Variants in AK2 observed in about 807,000 individuals in gnomAD.
The protein encoded by AK2 is adenylate kinase 2, mitochondrial.
Under a neutral mutation model 24.6 loss-of-function variants are expected in AK2, and 15 were observed. That is an observed-to-expected ratio of 0.61 (90% CI 0.41 to 0.94). AK2 has a LOEUF of 0.94. Among genes scored for constraint, AK2 ranks in the 40% least tolerant of loss-of-function variants. The probability of loss-of-function intolerance (pLI) is 0.00; values close to 1 mark genes in which losing one functional copy is unlikely to be tolerated. For synonymous variants in AK2, 102 were observed against 114.0 expected (o/e 0.90, Z 0.67); for missense variants, 257 against 304.1 (o/e 0.85, Z 1.15).
chr1:33,020,390 T>C (rs1639463231), intron 4 of AK2, among the ~76,000 whole-genome samples: 2 of 152,226 alleles, frequency 1.3e-5, no homozygotes, highest in Non-Finnish European at 2.9e-5. Context: ...GTAAAGACAT[T>C]AACATTTCTT....
At chr1:33,007,954 G>A, downstream of AK2, 1 of 449,988 alleles carries the variant, frequency 2.2e-6, no homozygotes, top group Non-Finnish European at 4.5e-6. Context: ...GGTTATCGAG[G>A]AGAATAAATG....
rs575182776 is a variant in AK2 at position 33,008,869 on chromosome 1, C to G, written c.*4312G>C. 1 of 454,126 alleles carries G rather than the reference C, an allele frequency of 2.2e-6. No homozygotes were observed. The highest frequency in any genetic ancestry group is 1.6e-5 in the South Asian group (1 of 64,478). The allele number at this position is 454,126 out of a possible 1,614,324, so 28.1% of individuals were successfully genotyped here. On this transcript the variant is annotated 3_prime_UTR_variant, in exon 6 of 6. Transcript: ENST00000672715. ...GGAAACCCAGGCCCAAAGAAGCAAA[C>G]AAACAATAGCTCACCCAGTCTTCTC...
intron 2 of AK2, 114 bp from the exon 3 acceptor site, chr1:33,021,817 GT>G: frequency 1.3e-6 from 1 of 791,424 alleles, no homozygotes; most frequent in Middle Eastern, 2.2e-4. Context: ...TAAACAGCAA[GT>G]TTTCTTGGAC....
At chr1:33,036,607 C>G in intron 1 of AK2, 129 bp downstream of exon 1, 1 of 870,254 alleles carries the variant, frequency 1.1e-6, no homozygotes, top group Non-Finnish European at 1.9e-6. Context: ...GAACCGAGAC[C>G]CCGGCCAGCG....
intron 1 of AK2, among the ~76,000 whole-genome samples, chr1:33,036,084 C>A (rs1046529469): frequency 2.6e-5 from 4 of 152,160 alleles, no homozygotes; most frequent in African/African-American, 9.7e-5. Context: ...CATGAGCACT[C>A]CCAACCCTTA....
At chr1:33,017,543 C>T (rs1639268166) in intron 4 of AK2, among the ~76,000 whole-genome samples, 1 of 152,206 alleles carries the variant, frequency 6.6e-6, no homozygotes, top group African/African-American at 2.4e-5. Context: ...ATGACTCCCA[C>T]ACACTGCTCT....
At chr1:33,013,903 GC>G (rs1245775935) in intron 5 of AK2, among the ~76,000 whole-genome samples, 1 of 152,188 alleles carries the variant, frequency 6.6e-6, no homozygotes, top group Non-Finnish European at 1.5e-5. Flanking sequence ...TAGCAACTTT[GC>G]AAAATGTGAC....
Position 33,034,449 on chromosome 1 carries a change from T to TACACACACACACAC in AK2, c.93+2273_93+2286dup, listed in dbSNP as rs71833811. Among the ~76,000 whole-genome samples the TACACACACACACAC allele has an allele frequency of 2.0e-3, 277 of 141,974 alleles. 1 individual carries two copies. Among genetic ancestry groups the TACACACACACACAC allele is most frequent in the African/African-American group, 6.2e-3 (239 of 38,276 alleles). 93.1% of individuals were successfully genotyped at this position (141,974 alleles called of 152,430 possible). On this transcript the variant is annotated intron_variant, in intron 1 of 5. Transcript: ENST00000672715. ...TGTCATCTAGGTTGTGGGTGCTTGA[T>TACACACACACACAC]ACACACACACACACACACACACACA...
chr1:33,026,908 C>T (rs111376301), intron 1 of AK2, among the ~76,000 whole-genome samples: 20,974 of 151,022 alleles, frequency 0.14, 1,564 homozygotes, highest in Middle Eastern at 0.23. Flanking sequence ...GGTGGATCAC[C>T]GGAAGTCAGG....
chr1:33,020,209 A>G, intron 4 of AK2: 1 of 1,297,212 alleles, frequency 7.7e-7, no homozygotes, highest in Non-Finnish European at 1.1e-6. Flanking sequence ...ACACACACAC[A>G]CACACACACA....
chr1:33,032,939 G>A (rs542490895), intron 1 of AK2, among the ~76,000 whole-genome samples: 4 of 152,086 alleles, frequency 2.6e-5, no homozygotes, highest in Non-Finnish European at 4.4e-5. Flanking sequence ...CAAGGTGGGC[G>A]GATCATGAGG....
intron 3 of AK2, 37 bp from the exon 4 acceptor site, chr1:33,021,498 G>A (rs752622929): frequency 1.8e-5 from 29 of 1,608,570 alleles, no homozygotes; most frequent in Non-Finnish European, 1.9e-5. Flanking sequence ...AGCTACCAGA[G>A]CTTGGTTAGA....
intron 1 of AK2, among the ~76,000 whole-genome samples, chr1:33,027,602 G>A (rs1639975951): frequency 6.6e-6 from 1 of 151,972 alleles, no homozygotes; most frequent in Admixed American, 6.6e-5. Flanking sequence ...ACAAAAATTA[G>A]CCAGGCGTGG....
chr1:33,014,231 G>C, intron 5 of AK2: 1 of 365,216 alleles, frequency 2.7e-6, no homozygotes, highest in Middle Eastern at 9.7e-4. Flanking sequence ...TCACTTAGGT[G>C]GCCATGATGC....
intron 2 of AK2, among the ~76,000 whole-genome samples, chr1:33,023,409 C>A (rs1328072475): frequency 1.3e-5 from 2 of 149,118 alleles, no homozygotes; most frequent in Non-Finnish European, 2.9e-5. Flanking sequence ...TCTACAACAA[C>A]AACAACAACA....
At chr1:33,027,275 A>C (rs1185851636) in intron 1 of AK2, among the ~76,000 whole-genome samples, 1 of 152,192 alleles carries the variant, frequency 6.6e-6, no homozygotes, top group African/African-American at 2.4e-5. Flanking sequence ...TGGGTAAACA[A>C]TTTGGAGGTC....
chr1:33,010,949 T>C lies in AK2; in HGVS notation c.*2232A>G. On this transcript the variant is annotated 3_prime_UTR_variant, in exon 6 of 6. Coordinates refer to ENST00000672715, the MANE Select transcript of AK2 (RefSeq NM_001625.4). ...AAATGCATTAAACACTGGACATTTCTGTGACAGGTAAAAGCAGAACCTGCT... is the reference window on the plus strand; with the variant it reads ...AAATGCATTAAACACTGGACATTTCCGTGACAGGTAAAAGCAGAACCTGCT... The C allele has an allele frequency of 6.4e-7, 1 of 1,568,808 alleles. No homozygotes were observed.
intron 1 of AK2, among the ~76,000 whole-genome samples, chr1:33,027,002 T>C (rs1234152946): frequency 6.6e-6 from 1 of 152,110 alleles, no homozygotes; most frequent in Non-Finnish European, 1.5e-5. Context: ...GGCACGTGCC[T>C]GTAATCCCAG....
chr1:33,009,145 C>T lies in AK2; in HGVS notation c.*4036G>A. On this transcript the variant is annotated 3_prime_UTR_variant, in exon 6 of 6. Transcript: ENST00000672715. ...AGGATTTAATATGTCAGTGAAGACC[C>T]TGCCTCTCTCTGTAACAAGATGCCT... is the stretch of plus-strand genomic sequence containing the variant. The T allele has an allele frequency of 2.2e-6, 1 of 452,160 alleles. No homozygotes were observed. Among genetic ancestry groups the T allele is most frequent in the South Asian group, 1.6e-5 (1 of 64,342 alleles). 28.0% of individuals were successfully genotyped at this position (452,160 alleles called of 1,614,324 possible).
Sources: gnomAD v4.1 joint callset for allele counts (sites outside exome capture counted in the v4.1 genomes callset) on GRCh38, gnomAD v4.1.1 for gene constraint, MANE v1.5 for transcripts, NCBI Gene and HGNC (gene_info 2026-07-23, HGNC 2026-07-21) for gene names.